Variants in CIC observed in about 807,000 individuals in gnomAD.
CIC encodes the protein capicua transcriptional repressor, also known as protein capicua homolog.
Under a neutral mutation model 115.7 loss-of-function variants are expected in CIC, and 18 were observed. That is an observed-to-expected ratio of 0.16 (90% CI 0.11 to 0.23). The LOEUF (loss-of-function observed/expected upper bound fraction) is 0.23, where lower values mean the gene tolerates loss of function less well. CIC is among the 10% of genes least tolerant of loss of function. The probability of loss-of-function intolerance (pLI) is 1.00; values close to 1 mark genes in which losing one functional copy is unlikely to be tolerated. For missense variants in CIC, 2,000 were observed against 2,159.3 expected, an observed-to-expected ratio of 0.93 and a Z score of 1.46; for synonymous variants, 1,076 against 923.0, an observed-to-expected ratio of 1.17 and a Z score of -3.01.
In CIC at chr19:42,287,514, A is replaced by C. The variant is rs939764861; in HGVS notation, c.3310-31A>C. ...ACCCACACCTGTCTGCCAGGTCCTAACTGTCCCGCTCTGGGCTGTGTTTAA... is the reference window on the plus strand; with the variant it reads ...ACCCACACCTGTCTGCCAGGTCCTACCTGTCCCGCTCTGGGCTGTGTTTAA... On this transcript the variant is annotated intron_variant, in intron 5 of 20. Coordinates refer to ENST00000681038, the MANE Select transcript of CIC (RefSeq NM_001386298.1). This position sits in a 1 kb window ranked among gnomAD's most constrained non-coding sequence, Gnocchi z 8.7. 2 of 1,612,550 alleles carry C rather than the reference A, an allele frequency of 1.2e-6. No individual in the cohort carries two copies. Among genetic ancestry groups the C allele is most frequent in the Non-Finnish European group, 1.7e-6 (2 of 1,180,008 alleles).
intron 2 of CIC, among the ~76,000 whole-genome samples, chr19:42,277,002 C>A (rs1352986725): frequency 6.6e-6 from 1 of 152,204 alleles, no homozygotes; most frequent in Non-Finnish European, 1.5e-5. Flanking sequence ...CATCTCCCAA[C>A]CTCTAGACTG....
chr19:42,269,798 G>T (rs567105549), intron 1 of CIC, among the ~76,000 whole-genome samples: 4 of 151,810 alleles, frequency 2.6e-5, no homozygotes, highest in Non-Finnish European at 5.9e-5. Context: ...TTAACCGAGA[G>T]GTAGAGATAG....
chr19:42,293,825 C>T lies in CIC; in HGVS notation c.6756C>T (p.Asp2252=). Residue 2252 remains aspartate, a synonymous_variant, in exon 17 of 21, where the codon GAC becomes GAT. Coordinates refer to ENST00000681038, the MANE Select transcript of CIC (RefSeq NM_001386298.1). ...CCCCGCCCCTGAAGAAGACCTTTGA[C>T]TCTGTGGACAAGTGAGCATGGGCTG... ...VRPPPLKKTF[D]SVDNRVLSEV... 2 of 1,612,760 alleles carry T rather than the reference C, an allele frequency of 1.2e-6. No homozygotes were observed. The highest frequency in any genetic ancestry group is 2.2e-5 in the East Asian group (1 of 44,874).
chr19:42,291,497 G>C (rs1311276740), intron 11 of CIC, 31 bp downstream of exon 11: 1 of 1,613,124 alleles, frequency 6.2e-7, no homozygotes, highest in Non-Finnish European at 8.5e-7. Context: ...CACTAGGGGA[G>C]GGGCCATAGT....
At chr19:42,292,018 T>G in intron 12 of CIC, 68 bp from the exon 13 acceptor site, 2 of 1,608,062 alleles carry the variant, frequency 1.2e-6, no homozygotes, top group South Asian at 2.2e-5. Context: ...CCACTTGAGG[T>G]CTTGGTCTTC....
chr19:42,277,350 C>T (rs2037022452), intron 2 of CIC, among the ~76,000 whole-genome samples: 1 of 152,236 alleles, frequency 6.6e-6, no homozygotes, highest in African/African-American at 2.4e-5. Flanking sequence ...CCGCCTCAGC[C>T]TCCCGAATAG....
intron 2 of CIC, among the ~76,000 whole-genome samples, chr19:42,281,894 A>C (rs1355071134): frequency 2.0e-5 from 3 of 152,126 alleles, no homozygotes; most frequent in African/African-American, 7.2e-5. Context: ...TCTTTTTCTC[A>C]ACCAACAGAA....
In CIC at chr19:42,291,260, C is replaced by T. The variant is rs2038076592; in HGVS notation, c.5219C>T (p.Thr1740Met). The T allele has an allele frequency of 5.0e-6, 8 of 1,612,350 alleles. No individual in the cohort carries two copies. Among genetic ancestry groups the T allele is most frequent in the African/African-American group, 4.0e-5 (3 of 74,858 alleles). Residue 1740 changes from threonine (T) to methionine (M), a missense_variant, in exon 11 of 21, where the codon ACG (threonine) becomes ATG (methionine). Thr to Met is a moderately conservative substitution (Grantham distance 81). Transcript: ENST00000681038. ...GITQVQYILP[T>M]LPQQLQVAPA... ...ACCCAGGTACAGTACATCCTGCCCACGCTGCCCCAGCAGCTTCAGGTGGCA... is the reference window on the plus strand; with the variant it reads ...ACCCAGGTACAGTACATCCTGCCCATGCTGCCCCAGCAGCTTCAGGTGGCA...
chr19:42,287,861 G>A lies in CIC; in HGVS notation c.3544G>A (p.Asp1182Asn). Residue 1182 changes from aspartate (D) to asparagine (N), a missense_variant, in exon 7 of 21, where the codon GAC (aspartate) becomes AAC (asparagine). Asp to Asn is a conservative substitution (Grantham distance 23, BLOSUM62 1). This residue lies in a region of CIC where 38 missense variants were observed against 50.3 expected (regional missense o/e 0.76). Coordinates refer to ENST00000681038, the MANE Select transcript of CIC (RefSeq NM_001386298.1). The surrounding 1 kb of genome is among the most constrained non-coding windows in gnomAD (Gnocchi z 8.7). ...CCCAGATTGGAAGTGGTGCAACAAG[G>A]ACCGAAAGAAGTCCAGCTCAGAGGC... is the stretch of plus-strand genomic sequence containing the variant. ...AHPDWKWCNK[D>N]RKKSSSEAKP... 1 of 1,613,204 alleles carries A rather than the reference G, an allele frequency of 6.2e-7. No individual in the cohort carries two copies. The highest frequency in any genetic ancestry group is 8.5e-7 in the Non-Finnish European group (1 of 1,179,580).
intron 2 of CIC, among the ~76,000 whole-genome samples, chr19:42,277,017 A>AGTAAGGATGAGAG: frequency 6.6e-6 from 1 of 152,124 alleles, no homozygotes; most frequent in African/African-American, 2.4e-5. Context: ...AGACTGTGGG[A>AGTAAGGATGAGAG]CTCTCACTAC....
chr19:42,283,511 G>A (rs952963841), intron 2 of CIC, among the ~76,000 whole-genome samples: 5 of 152,108 alleles, frequency 3.3e-5, no homozygotes, highest in African/African-American at 1.2e-4. Flanking sequence ...CCCGTGGGGT[G>A]TGTAGGAGAT....
chr19:42,270,080 G>C lies in CIC; in HGVS notation c.-11+699G>C, dbSNP rs1430627798. On this transcript the variant is annotated intron_variant, in intron 1 of 20. Coordinates refer to ENST00000681038, the MANE Select transcript of CIC (RefSeq NM_001386298.1). This position sits in a 1 kb window ranked among gnomAD's most constrained non-coding sequence, Gnocchi z 4.1. ...GGCAGCAAGGTCTAGGGGTCCAGGC[G>C]GCATAGTTGTAGGCCCTGGGTGGGG... 6.6e-6 allele frequency among the ~76,000 whole-genome samples: 1 copy of C among 152,156 alleles called. No homozygotes were observed. The highest frequency in any genetic ancestry group is 2.4e-5 in the African/African-American group (1 of 41,412).
chr19:42,289,398 A>T lies in CIC; in HGVS notation c.4079A>T (p.Asp1360Val). The change falls in exon 9 of 21, where the codon GAT becomes GTT. Residue 1360 changes from aspartate (D) to valine (V), a missense_variant. This residue lies in a region of CIC where 1,466 missense variants were observed against 1,390.4 expected (regional missense o/e 1.05). Transcript: ENST00000681038. The stretch of plus-strand genomic sequence containing the variant: ...ATCTGTGAGGAGGAAGGGGATGATG[A>T]TGTCATTGGTGAGCATTGCAGGGCC... ...MVICEEEGDD[D>V]VIADDGFGTT... 1 of 1,582,526 alleles carries T rather than the reference A, an allele frequency of 6.3e-7. No homozygotes were observed. Among genetic ancestry groups the T allele is most frequent in the Non-Finnish European group, 8.6e-7 (1 of 1,164,076 alleles).
chr19:42,278,792 C>A (rs2037092875), intron 2 of CIC, among the ~76,000 whole-genome samples: 1 of 152,160 alleles, frequency 6.6e-6, no homozygotes, highest in South Asian at 2.1e-4. Context: ...GCCAGGGAGC[C>A]CCCTCATGCT....
rs989331782 is a variant in CIC at position 42,280,714 on chromosome 19, C to T, written c.2795-6057C>T. 4.6e-5 allele frequency among the ~76,000 whole-genome samples: 7 copies of T among 152,038 alleles called. No homozygotes were observed. Among genetic ancestry groups the T allele is most frequent in the Non-Finnish European group, 1.0e-4 (7 of 67,986 alleles). ...CACAAAGCGGCTTTGTGGAGCCTGC[C>T]GGGGGTTGGCTGGGGGCCAGGCGGC... On this transcript the variant is annotated intron_variant, in intron 2 of 20. Coordinates refer to ENST00000681038, the MANE Select transcript of CIC (RefSeq NM_001386298.1). The surrounding 1 kb of genome is among the most constrained non-coding windows in gnomAD (Gnocchi z 4.9).
chr19:42,291,938 A>G (rs1281282454), intron 12 of CIC, 148 bp from the exon 13 acceptor site: 1 of 1,314,688 alleles, frequency 7.6e-7, no homozygotes, highest in East Asian at 2.3e-5. Flanking sequence ...CTGTGTCCCC[A>G]CCTCTCACTG....
At chr19:42,271,346 T>C (rs952328916) in intron 1 of CIC, among the ~76,000 whole-genome samples, 3 of 152,216 alleles carry the variant, frequency 2.0e-5, no homozygotes, top group African/African-American at 7.2e-5. Flanking sequence ...TTTTTGTGGC[T>C]CAGTTTCCTC....
At position 42,293,595 on chromosome 19, in the gene CIC, A is replaced by G. The variant is rs765261843; in HGVS notation, c.6526A>G (p.Ser2176Gly). 6 of 1,613,860 alleles carry G rather than the reference A, an allele frequency of 3.7e-6. No homozygotes were observed. In the South Asian group the frequency reaches 5.5e-5, roughly 15 times the overall value. ...TCCCTGCCCATCTCCACCCCAGGCC[A>G]GCAAATTCCCCAGCTCATCTTCAGA... ...TSAKGPETMA[S>G]KFPSSSSDWR... is the part of the protein sequence containing the mutation. The change falls in exon 17 of 21, where the codon AGC becomes GGC. Residue 2176 changes from serine to glycine, a missense_variant. Around this residue, in one of 8 missense-constraint regions of CIC, gnomAD observed 1,466 missense variants for 1,390.4 expected, o/e 1.05. Transcript: ENST00000681038.
chr19:42,273,435 C>G lies in CIC; in HGVS notation c.1652C>G (p.Ala551Gly), dbSNP rs1440730957. Residue 551 changes from alanine (A) to glycine (G), a missense_variant, in exon 2 of 21, where the codon GCC becomes GGC. Coordinates refer to ENST00000681038, the MANE Select transcript of CIC (RefSeq NM_001386298.1). The part of the protein sequence containing the change: ...GGAGRPAAVA[A>G]REGSTEFDWG... ...GCGGGCCGGCCCGCGGCCGTGGCAG[C>G]CCGTGAGGGCAGCACGGAGTTTGAC... The G allele has an allele frequency of 2.5e-6, 1 of 398,338 alleles. No individual in the cohort carries two copies. The highest frequency in any genetic ancestry group is 4.4e-6 in the Non-Finnish European group (1 of 225,980). 24.7% of individuals were successfully genotyped at this position (398,338 alleles called of 1,614,324 possible).
Sources: allele counts gnomAD v4.1 joint callset (sites outside exome capture counted in the v4.1 genomes callset), GRCh38; gene constraint gnomAD v4.1.1; regional missense constraint gnomAD v4.1.1; non-coding constraint Gnocchi (gnomAD v3.1); transcripts MANE v1.5; gene names NCBI Gene and HGNC (gene_info 2026-07-23, HGNC 2026-07-21).